The following PHLPP1 variants were observed in gnomAD, a reference collection of about 807,000 sequenced individuals.
The protein encoded by PHLPP1 is PH domain and leucine rich repeat protein phosphatase 1.
In PHLPP1, 42 loss-of-function variants were observed where a neutral mutation model predicts 117.2. That is an observed-to-expected ratio of 0.36 (90% CI 0.28 to 0.46). The LOEUF is 0.46. Ranked by LOEUF, PHLPP1 falls within the 20% of genes least tolerant of loss-of-function variation. The pLI, the probability that PHLPP1 is intolerant of heterozygous loss-of-function variation, is 1.00. For missense variants in PHLPP1, 2,084 were observed against 2,241.9 expected, an observed-to-expected ratio of 0.93 and a Z score of 1.42; for synonymous variants, 1,042 against 970.7, an observed-to-expected ratio of 1.07 and a Z score of -1.37.
intron 1 of PHLPP1, among the ~76,000 whole-genome samples, chr18:62,727,442 C>T (rs1911106875): frequency 6.6e-6 from 1 of 151,702 alleles, no homozygotes; most frequent in Non-Finnish European, 1.5e-5. Flanking sequence ...GACCCATTCT[C>T]TACAAAATAA....
chr18:62,943,458 G>T (rs762607623), intron 11 of PHLPP1, among the ~76,000 whole-genome samples: 58 of 152,000 alleles, frequency 3.8e-4, no homozygotes, highest in Non-Finnish European at 7.1e-4. Flanking sequence ...TTCTTTTGGG[G>T]GCCTGTTTTC....
intron 1 of PHLPP1, among the ~76,000 whole-genome samples, chr18:62,774,566 C>CTT (rs1156284292): frequency 6.6e-6 from 1 of 152,214 alleles, no homozygotes; most frequent in East Asian, 1.9e-4. Context: ...CCCATCCCTT[C>CTT]TTTTAAAAGA....
At chr18:62,883,753 G>A (rs1303701127) in intron 4 of PHLPP1, among the ~76,000 whole-genome samples, 1 of 152,082 alleles carries the variant, frequency 6.6e-6, no homozygotes, top group Non-Finnish European at 1.5e-5. Context: ...GAGATAACAT[G>A]GTGCATATAC....
At chr18:62,930,685 A>C (rs1343287150) in intron 10 of PHLPP1, among the ~76,000 whole-genome samples, 8 of 152,252 alleles carry the variant, frequency 5.3e-5, no homozygotes, top group Non-Finnish European at 1.0e-4. Context: ...ACATTTGACC[A>C]AATAGACCTA....
At chr18:62,744,742 G>A (rs1274498625) in intron 1 of PHLPP1, among the ~76,000 whole-genome samples, 1 of 152,142 alleles carries the variant, frequency 6.6e-6, no homozygotes, top group Non-Finnish European at 1.5e-5. Flanking sequence ...TTCCTCCACT[G>A]GCATGTGTTA....
chr18:62,944,499 A>G (rs1910219810), intron 11 of PHLPP1, among the ~76,000 whole-genome samples: 1 of 152,170 alleles, frequency 6.6e-6, no homozygotes. Context: ...AATTGAGATA[A>G]ATGTCTTTTG....
intron 13 of PHLPP1, among the ~76,000 whole-genome samples, chr18:62,961,650 G>A (rs1038341091): frequency 6.6e-6 from 1 of 152,016 alleles, no homozygotes; most frequent in African/African-American, 2.4e-5. Context: ...GGAGTACCAG[G>A]TCATATGGAG....
At chr18:62,871,985 G>A (rs73458295) in intron 4 of PHLPP1, among the ~76,000 whole-genome samples, 2,244 of 152,172 alleles carry the variant, frequency 0.015, 58 homozygotes, top group African/African-American at 0.051. Flanking sequence ...ATTTATTAAG[G>A]ATGTATAGGG....
intron 10 of PHLPP1, among the ~76,000 whole-genome samples, chr18:62,921,880 T>C (rs1909479832): frequency 6.6e-6 from 1 of 152,216 alleles, no homozygotes; most frequent in Admixed American, 6.5e-5. Context: ...ATATAGAACA[T>C]TTCTAGCACT....
chr18:62,814,419 T>TA (rs1249409385), intron 1 of PHLPP1, among the ~76,000 whole-genome samples: 1 of 152,216 alleles, frequency 6.6e-6, no homozygotes, highest in African/African-American at 2.4e-5. Flanking sequence ...CTAGACCTCT[T>TA]ACGGAGTCAT....
At chr18:62,884,088 G>A (rs1456552055) in intron 4 of PHLPP1, among the ~76,000 whole-genome samples, 1 of 152,124 alleles carries the variant, frequency 6.6e-6, no homozygotes, top group African/African-American at 2.4e-5. Context: ...AATACATTAT[G>A]GTTCATTTGT....
intron 4 of PHLPP1, among the ~76,000 whole-genome samples, chr18:62,892,391 A>G (rs914232887): frequency 3.3e-5 from 5 of 151,212 alleles, no homozygotes; most frequent in African/African-American, 1.2e-4. Context: ...ACCCGGCCAG[A>G]GTGTCGTTGT....
chr18:62,865,644 T>G (rs1290451845), intron 4 of PHLPP1, among the ~76,000 whole-genome samples: 1 of 152,164 alleles, frequency 6.6e-6, no homozygotes, highest in Non-Finnish European at 1.5e-5. Flanking sequence ...CAAATGCCCA[T>G]CAATGATAGG....
At chr18:62,820,135 A>G (rs1914405329) in intron 1 of PHLPP1, among the ~76,000 whole-genome samples, 1 of 152,254 alleles carries the variant, frequency 6.6e-6, no homozygotes. Context: ...CAATCCATAC[A>G]TCAAGAAGAT....
At chr18:62,934,896 T>C (rs1055413157) in intron 10 of PHLPP1, among the ~76,000 whole-genome samples, 3 of 152,212 alleles carry the variant, frequency 2.0e-5, no homozygotes, top group Non-Finnish European at 4.4e-5. Flanking sequence ...TTTAACATTA[T>C]ATACACACAC....
intron 9 of PHLPP1, among the ~76,000 whole-genome samples, chr18:62,915,428 G>T (rs535501438): frequency 4.6e-5 from 7 of 152,258 alleles, no homozygotes; most frequent in Admixed American, 3.9e-4. Context: ...GAAAAAGATG[G>T]TTAGGTCATG....
chr18:62,771,378 A>T (rs1393461503), intron 1 of PHLPP1, among the ~76,000 whole-genome samples: 3 of 152,214 alleles, frequency 2.0e-5, no homozygotes, highest in Non-Finnish European at 4.4e-5. Context: ...AACAGTGAGA[A>T]ATATGACATA....
At chr18:62,807,167 T>C (rs1913974643) in intron 1 of PHLPP1, among the ~76,000 whole-genome samples, 1 of 152,156 alleles carries the variant, frequency 6.6e-6, no homozygotes, top group Non-Finnish European at 1.5e-5. Context: ...CAAGATAATT[T>C]TCTTCTTTGT....
intron 10 of PHLPP1, among the ~76,000 whole-genome samples, chr18:62,922,121 TTTG>T (rs1445447231): frequency 3.2e-4 from 7 of 22,082 alleles, no homozygotes; most frequent in Non-Finnish European, 1.2e-3. Context: ...GGGTTTTTTG[TTTG>T]TTTGTTTGTT....
Sources: allele counts gnomAD v4.1 joint callset (sites outside exome capture counted in the v4.1 genomes callset), GRCh38; gene constraint gnomAD v4.1.1; transcripts MANE v1.5; gene names NCBI Gene and HGNC (gene_info 2026-07-23, HGNC 2026-07-21).